Variants in RBM47 observed in about 807,000 individuals in gnomAD.
RBM47 encodes the protein RNA-binding protein 47.
RBM47 carries 21 observed loss-of-function variants against 47.1 expected under a neutral mutation model. The observed-to-expected ratio is 0.45, with a 90% CI of 0.32 to 0.64. RBM47 has a LOEUF of 0.64. Ranked by LOEUF, RBM47 falls within the 30% of genes least tolerant of loss-of-function variation. The pLI is 0.05. For synonymous variants in RBM47, 375 were observed against 361.7 expected (o/e 1.04, Z -0.42); for missense variants, 708 against 870.9 (o/e 0.81, Z 2.35).
chr4:40,605,272 G>A (rs1044747943), intron 1 of RBM47, among the ~76,000 whole-genome samples: 9 of 151,748 alleles, frequency 5.9e-5, no homozygotes, highest in African/African-American at 1.7e-4. Flanking sequence ...TGATCTGCCC[G>A]CCTTGGCCTC....
intron 2 of RBM47, among the ~76,000 whole-genome samples, chr4:40,531,464 G>A (rs1055284969): frequency 6.6e-6 from 1 of 151,954 alleles, no homozygotes; most frequent in Non-Finnish European, 1.5e-5. Context: ...TTGGAGATAA[G>A]GGGATAGGCG....
At chr4:40,593,080 C>T (rs1439980323) in intron 1 of RBM47, among the ~76,000 whole-genome samples, 2 of 141,360 alleles carry the variant, frequency 1.4e-5, no homozygotes, top group South Asian at 2.3e-4. Context: ...ACTGCAAGTC[C>T]GCCTCCCAGG....
chr4:40,502,986 C>CAAAAAA (rs35856007), intron 2 of RBM47, among the ~76,000 whole-genome samples: 2 of 86,434 alleles, frequency 2.3e-5, no homozygotes, highest in Non-Finnish European at 2.2e-5. Flanking sequence ...CCTGTCTGTA[C>CAAAAAA]AAAAAAAAAA....
chr4:40,456,133 T>C (rs1716201435), intron 3 of RBM47, among the ~76,000 whole-genome samples: 1 of 152,232 alleles, frequency 6.6e-6, no homozygotes, highest in African/African-American at 2.4e-5. Context: ...GTTCTTTTTA[T>C]CACTACTTTG....
chr4:40,619,768 G>GTACCTATT (rs1737082994), intron 1 of RBM47, among the ~76,000 whole-genome samples: 1 of 152,120 alleles, frequency 6.6e-6, no homozygotes, highest in Non-Finnish European at 1.5e-5. Context: ...AGTACCTGTG[G>GTACCTATT]GTTCCTGGTT....
intron 2 of RBM47, among the ~76,000 whole-genome samples, chr4:40,469,635 T>C (rs1718557138): frequency 6.7e-6 from 1 of 150,320 alleles, no homozygotes; most frequent in Non-Finnish European, 1.5e-5. Context: ...TCAAATGAAA[T>C]AGATTGTGTT....
chr4:40,576,513 CTG>C (rs1366367097), intron 1 of RBM47, among the ~76,000 whole-genome samples: 1 of 152,168 alleles, frequency 6.6e-6, no homozygotes, highest in Non-Finnish European at 1.5e-5. Context: ...ATTTTGGAAA[CTG>C]TAAAATATCA....
At chr4:40,500,459 A>G (rs1022550975) in intron 2 of RBM47, among the ~76,000 whole-genome samples, 15 of 150,976 alleles carry the variant, frequency 9.9e-5, no homozygotes, top group Admixed American at 9.2e-4. Context: ...AAAAATACAA[A>G]CATTAGCTGG....
chr4:40,611,551 C>T (rs1736260678), intron 1 of RBM47, among the ~76,000 whole-genome samples: 1 of 148,238 alleles, frequency 6.7e-6, no homozygotes, highest in South Asian at 2.1e-4. Context: ...AGAAACCCTG[C>T]CTCTACTAAA....
In RBM47 at chr4:40,436,575, C is replaced by G; in HGVS notation, c.1196G>C (p.Gly399Ala). 2.5e-6 allele frequency: 4 copies of G among 1,614,188 alleles called. No homozygotes were observed. The highest frequency in any genetic ancestry group is 3.4e-6 in the Non-Finnish European group (4 of 1,180,044). Reference sequence around the variant, plus strand: ...TATACCACGACCAGCAGAATATCCCCCGAGGTAGGAACCCCTAGGCCCTGG... The same window carrying G: ...TATACCACGACCAGCAGAATATCCCGCGAGGTAGGAACCCCTAGGCCCTGG... Reference protein sequence around the residue: ...RAPGPRGSYLGGYSAGRGIYS... With the variant: ...RAPGPRGSYLAGYSAGRGIYS... The change falls in exon 5 of 7, where the codon GGG (glycine) becomes GCG (alanine). Residue 399 changes from glycine to alanine, a missense_variant. Gly to Ala is a moderately conservative substitution (Grantham distance 60). Transcript: ENST00000295971.
intron 5 of RBM47, among the ~76,000 whole-genome samples, chr4:40,435,109 T>A (rs1712126596): frequency 6.6e-6 from 1 of 152,150 alleles, no homozygotes; most frequent in Admixed American, 6.5e-5. Flanking sequence ...ATGACATTAA[T>A]AAACAGGTTT....
In RBM47 at chr4:40,545,330, C is replaced by T. The variant is rs368304277; in HGVS notation, c.-239-824G>A. Reference sequence around the variant, plus strand: ...CCTCCCAAAGTGCTGGGATTACAGGCGTGAGCCACGGCGCCCGGCCTGAGA... The same window carrying T: ...CCTCCCAAAGTGCTGGGATTACAGGTGTGAGCCACGGCGCCCGGCCTGAGA... On this transcript the variant is annotated intron_variant, in intron 1 of 6. Coordinates refer to ENST00000295971, the MANE Select transcript of RBM47 (RefSeq NM_001098634.2). Among the ~76,000 whole-genome samples, 822 of 146,650 alleles carry T rather than the reference C, an allele frequency of 5.6e-3. 3 individuals are homozygous for T. Among genetic ancestry groups the T allele is most frequent in the South Asian group, 9.8e-3 (42 of 4,276 alleles).
intron 1 of RBM47, among the ~76,000 whole-genome samples, chr4:40,572,084 C>G (rs539090005): frequency 2.0e-4 from 26 of 127,876 alleles, no homozygotes; most frequent in African/African-American, 7.3e-4. Flanking sequence ...TCAAAAACTA[C>G]TGGAAAAAAA....
intron 2 of RBM47, among the ~76,000 whole-genome samples, chr4:40,515,525 T>G (rs557001378): frequency 6.6e-6 from 1 of 152,196 alleles, no homozygotes; most frequent in African/African-American, 2.4e-5. Context: ...GATAACCCAT[T>G]CTCTGTCCCC....
chr4:40,523,727 T>C (rs1388143477), intron 2 of RBM47, among the ~76,000 whole-genome samples: 3 of 151,512 alleles, frequency 2.0e-5, no homozygotes, highest in Non-Finnish European at 4.4e-5. Flanking sequence ...TAGTCAGGCA[T>C]AGTGGCATGC....
chr4:40,603,347 A>G (rs921754922), intron 1 of RBM47, among the ~76,000 whole-genome samples: 1 of 152,098 alleles, frequency 6.6e-6, no homozygotes, highest in Non-Finnish European at 1.5e-5. Context: ...TAATTCATCT[A>G]CTATTAATGG....
chr4:40,618,827 AAAAAAAAG>A (rs1736986686), intron 1 of RBM47, among the ~76,000 whole-genome samples: 1 of 150,782 alleles, frequency 6.6e-6, no homozygotes. Flanking sequence ...AAAAAAAAAA[AAAAAAAAG>A]GGAAACTTCC....
chr4:40,425,763 A>G lies in RBM47; in HGVS notation c.*141T>C, dbSNP rs956120408. 1.6e-6 allele frequency: 2 copies of G among 1,266,314 alleles called. No individual in the cohort carries two copies. Among genetic ancestry groups the G allele is most frequent in the Non-Finnish European group, 2.2e-6 (2 of 925,638 alleles). 78.4% of individuals were successfully genotyped at this position (1,266,314 alleles called of 1,614,324 possible). ...AAAAACTAGTGAAAACTTCATGTAT[A>G]TAAAATAATTCAGAAATAAATCTGC... On this transcript the variant is annotated 3_prime_UTR_variant, in exon 7 of 7. Transcript: ENST00000295971.
chr4:40,568,027 T>C (rs78268710), intron 1 of RBM47, among the ~76,000 whole-genome samples: 4,329 of 151,752 alleles, frequency 0.029, 224 homozygotes, highest in African/African-American at 0.099. Context: ...TCTTGAGAGT[T>C]GACTGAACCC....
Sources: allele counts gnomAD v4.1 joint callset (sites outside exome capture counted in the v4.1 genomes callset), GRCh38; gene constraint gnomAD v4.1.1; transcripts MANE v1.5; gene names NCBI Gene and HGNC (gene_info 2026-07-23, HGNC 2026-07-21).